Variants in MAST4 observed in about 807,000 individuals in gnomAD.
The protein encoded by MAST4 is microtubule associated serine/threonine kinase family member 4, also known as microtubule-associated serine/threonine-protein kinase 4.
In MAST4, 89 loss-of-function variants were observed where a neutral mutation model predicts 162.7. The ratio of observed to expected loss-of-function variants is 0.55; its 90% CI spans 0.46 to 0.65. MAST4 has a LOEUF of 0.65. Among genes scored for constraint, MAST4 ranks in the 30% least tolerant of loss-of-function variants. MAST4 has a pLI of 0.00. For missense variants in MAST4, 3,153 were observed against 3,374.0 expected, an observed-to-expected ratio of 0.93 and a Z score of 1.62; for synonymous variants, 1,479 against 1,361.1, an observed-to-expected ratio of 1.09 and a Z score of -1.91.
intron 1 of MAST4, among the ~76,000 whole-genome samples, chr5:66,743,250 C>T (rs967361196): frequency 6.6e-6 from 1 of 152,154 alleles, no homozygotes; most frequent in Non-Finnish European, 1.5e-5. Flanking sequence ...CCTCTTCCTC[C>T]TCATGTATGT....
At chr5:66,890,127 G>C (rs754594835) in intron 3 of MAST4, among the ~76,000 whole-genome samples, 2 of 152,174 alleles carry the variant, frequency 1.3e-5, no homozygotes, top group Admixed American at 6.6e-5. Flanking sequence ...GCTTGAAAGA[G>C]AGAGTTCTTT....
chr5:66,724,158 C>T (rs1751378775), intron 1 of MAST4, among the ~76,000 whole-genome samples: 1 of 152,174 alleles, frequency 6.6e-6, no homozygotes. Flanking sequence ...TATTAATTTT[C>T]TTCCTAGCAG....
At chr5:67,120,806 G>A (rs745698111) in intron 13 of MAST4, among the ~76,000 whole-genome samples, 14 of 152,198 alleles carry the variant, frequency 9.2e-5, no homozygotes, top group Non-Finnish European at 1.5e-4. Context: ...GCCTGGAAGT[G>A]TGGATTCGCT....
chr5:67,030,489 G>A (rs976013044), intron 4 of MAST4, among the ~76,000 whole-genome samples: 1 of 152,112 alleles, frequency 6.6e-6, no homozygotes. Flanking sequence ...TCATCTGAGT[G>A]ACATTTTAAC....
chr5:67,163,727 G>A lies in MAST4; in HGVS notation c.4548G>A (p.Arg1516=). ...EQGCLKRPVS[R]KVGRQESVDD... Reference sequence around the variant, plus strand: ...GCTGCCTGAAACGCCCAGTCTCCCGGAAGGTGGGCCGCCAGGAGTCTGTGG... The same window carrying A: ...GCTGCCTGAAACGCCCAGTCTCCCGAAAGGTGGGCCGCCAGGAGTCTGTGG... Residue 1516 remains arginine, a synonymous_variant, in exon 29 of 29, where the codon CGG becomes CGA. Coordinates refer to ENST00000403625, the MANE Select transcript of MAST4 (RefSeq NM_001164664.2). This position sits in a 1 kb window ranked among gnomAD's most constrained non-coding sequence, Gnocchi z 7.0. 1.9e-6 allele frequency: 3 copies of A among 1,609,114 alleles called. No homozygotes were observed. Among genetic ancestry groups the A allele is most frequent in the Non-Finnish European group, 2.5e-6 (3 of 1,178,052 alleles).
At chr5:66,830,788 C>T (rs2149756736) in intron 3 of MAST4, among the ~76,000 whole-genome samples, 1 of 152,298 alleles carries the variant, frequency 6.6e-6, no homozygotes, top group East Asian at 1.9e-4. Flanking sequence ...TGTATTACCA[C>T]ACATGTCACT....
chr5:67,046,680 T>C (rs1286933958), intron 4 of MAST4, among the ~76,000 whole-genome samples: 2 of 152,238 alleles, frequency 1.3e-5, no homozygotes, highest in Non-Finnish European at 2.9e-5. Context: ...TGTGGATTTA[T>C]CTTAATGGAT....
chr5:66,657,260 T>G (rs1746613163), intron 1 of MAST4, among the ~76,000 whole-genome samples: 1 of 152,256 alleles, frequency 6.6e-6, no homozygotes, highest in South Asian at 2.1e-4. Flanking sequence ...CTATCTAGTT[T>G]ACTGAGAGAC....
chr5:66,680,104 C>T (rs1436339450), intron 1 of MAST4, among the ~76,000 whole-genome samples: 2 of 152,100 alleles, frequency 1.3e-5, no homozygotes, highest in African/African-American at 2.4e-5. Context: ...GATTGGGCCT[C>T]TGGCCTAAAT....
At chr5:66,998,861 C>G (rs1347181518) in intron 4 of MAST4, among the ~76,000 whole-genome samples, 1 of 152,238 alleles carries the variant, frequency 6.6e-6, no homozygotes, top group Non-Finnish European at 1.5e-5. Context: ...CATGCAGGAG[C>G]TCTCAGGAGC....
chr5:66,822,815 G>A (rs921630535), intron 3 of MAST4, among the ~76,000 whole-genome samples: 1 of 152,282 alleles, frequency 6.6e-6, no homozygotes, highest in South Asian at 2.1e-4. Context: ...CACTTTGAAA[G>A]CACTGTTTCC....
intron 4 of MAST4, among the ~76,000 whole-genome samples, chr5:66,933,925 C>A (rs1465661573): frequency 6.6e-6 from 1 of 152,044 alleles, no homozygotes; most frequent in Non-Finnish European, 1.5e-5. Context: ...CTCCTGGCTT[C>A]AAGTGATCCT....
intron 4 of MAST4, among the ~76,000 whole-genome samples, chr5:66,998,766 C>G (rs574073109): frequency 6.6e-6 from 1 of 152,232 alleles, no homozygotes; most frequent in Admixed American, 6.5e-5. Flanking sequence ...GGATAAAGCC[C>G]CTGCCCTCAA....
At chr5:66,837,892 A>ATTTT (rs1428832198) in intron 3 of MAST4, among the ~76,000 whole-genome samples, 2 of 35,028 alleles carry the variant, frequency 5.7e-5, no homozygotes, top group East Asian at 3.7e-3. Flanking sequence ...ATATATATAT[A>ATTTT]TATTTTTTTT....
At chr5:67,122,820 T>C (rs113527493) in intron 14 of MAST4, among the ~76,000 whole-genome samples, 1 of 152,162 alleles carries the variant, frequency 6.6e-6, no homozygotes, top group East Asian at 1.9e-4. Context: ...TATCACACTT[T>C]GGGGAATAGT....
intron 2 of MAST4, among the ~76,000 whole-genome samples, chr5:66,772,364 C>T (rs1307071750): frequency 2.6e-5 from 4 of 152,090 alleles, no homozygotes; most frequent in South Asian, 4.1e-4. Flanking sequence ...AGATTTTACC[C>T]TCTTATAGGA....
chr5:66,861,768 A>T (rs1168521554), intron 3 of MAST4, among the ~76,000 whole-genome samples: 1 of 152,194 alleles, frequency 6.6e-6, no homozygotes, highest in African/African-American at 2.4e-5. Flanking sequence ...GGCTTTTATT[A>T]ATAAGAGGGA....
At chr5:66,824,108 A>G (rs1757126380) in intron 3 of MAST4, among the ~76,000 whole-genome samples, 1 of 152,226 alleles carries the variant, frequency 6.6e-6, no homozygotes, top group Non-Finnish European at 1.5e-5. Context: ...ACATTTAGAG[A>G]GACATATGAA....
intron 4 of MAST4, among the ~76,000 whole-genome samples, chr5:66,946,475 A>G (rs1208720360): frequency 2.0e-5 from 3 of 152,076 alleles, no homozygotes; most frequent in African/African-American, 4.8e-5. Flanking sequence ...TTCCCTTTTG[A>G]TCTTCATTTC....
Sources: gnomAD v4.1 joint callset for allele counts (sites outside exome capture counted in the v4.1 genomes callset) on GRCh38, gnomAD v4.1.1 for gene constraint, Gnocchi (gnomAD v3.1) non-coding constraint, MANE v1.5 for transcripts, NCBI Gene and HGNC (gene_info 2026-07-23, HGNC 2026-07-21) for gene names.